Variants in TRIM2 observed in about 807,000 individuals in gnomAD.
The protein encoded by TRIM2 is tripartite motif containing 2.
Under a neutral mutation model 75.2 loss-of-function variants are expected in TRIM2, and 20 were observed. The ratio of observed to expected loss-of-function variants is 0.27; its 90% confidence interval spans 0.19 to 0.39. TRIM2 has a LOEUF of 0.39. Among genes scored for constraint, TRIM2 ranks in the 10% least tolerant of loss-of-function variants. The pLI is 1.00. For missense variants in TRIM2, 660 were observed against 990.8 expected, an observed-to-expected ratio of 0.67 and a Z score of 4.48; for synonymous variants, 373 against 388.3, an observed-to-expected ratio of 0.96 and a Z score of 0.46.
chr4:153,282,527 T>C (rs1220020964), intron 3 of TRIM2, among the ~76,000 whole-genome samples: 3 of 152,218 alleles, frequency 2.0e-5, no homozygotes, highest in African/African-American at 7.2e-5. Flanking sequence ...ACCCTTTCTC[T>C]ACAAAAGTAA....
At chr4:153,153,919 T>A (rs10428495) in intron 1 of TRIM2, among the ~76,000 whole-genome samples, 3,812 of 152,322 alleles carry the variant, frequency 0.025, 158 homozygotes, top group African/African-American at 0.088. Flanking sequence ...AGGGCAGACA[T>A]GAAGTGAAAA....
At position 153,325,810 on chromosome 4, in the gene TRIM2, T is replaced by A. The variant is rs1392830169; in HGVS notation, c.2022+1662T>A. On this transcript the variant is annotated intron_variant, in intron 10 of 11. Coordinates refer to ENST00000338700, the MANE Select transcript of TRIM2 (RefSeq NM_015271.5). Reference sequence around the variant, plus strand: ...AACTGTGATCTCAGAGCCTTTCCTGTCCAGTGCTCCAGGCAACCTCTAAGA... The same window carrying A: ...AACTGTGATCTCAGAGCCTTTCCTGACCAGTGCTCCAGGCAACCTCTAAGA... Among the ~76,000 whole-genome samples, 4 of 152,340 alleles carry A rather than the reference T, an allele frequency of 2.6e-5. No individual in the cohort carries two copies. The East Asian group carries it at 7.7e-4, about 29-fold the overall frequency.
intron 1 of TRIM2, among the ~76,000 whole-genome samples, chr4:153,258,939 C>T (rs1439005333): frequency 6.6e-6 from 1 of 152,182 alleles, no homozygotes; most frequent in Non-Finnish European, 1.5e-5. Flanking sequence ...CCCTCCCAAG[C>T]AGCACACAAT....
chr4:153,291,655 G>A (rs1378103039), intron 3 of TRIM2, among the ~76,000 whole-genome samples: 1 of 152,118 alleles, frequency 6.6e-6, no homozygotes, highest in Non-Finnish European at 1.5e-5. Context: ...CCTCTGCAAG[G>A]AAGCTAATTT....
intron 1 of TRIM2, among the ~76,000 whole-genome samples, chr4:153,176,088 G>A (rs1462670913): frequency 3.3e-5 from 5 of 151,840 alleles, no homozygotes; most frequent in Non-Finnish European, 5.9e-5. Flanking sequence ...GAGTAAAGGG[G>A]CACGATATAT....
At chr4:153,229,250 T>A (rs1460423534) in intron 1 of TRIM2, among the ~76,000 whole-genome samples, 1 of 152,218 alleles carries the variant, frequency 6.6e-6, no homozygotes, top group Non-Finnish European at 1.5e-5. Flanking sequence ...TCTGAATTTT[T>A]TTGTTTCGTT....
rs1210940761 is a variant in TRIM2, at chr4:153,248,297, A to T, written c.31-22038A>T. On this transcript the variant is annotated intron_variant, in intron 1 of 11. Coordinates refer to ENST00000338700, the MANE Select transcript of TRIM2 (RefSeq NM_015271.5). The surrounding 1 kb of genome is among the most constrained non-coding windows in gnomAD (Gnocchi z 4.0). ...AGGCGTGAGCCACCGCACCCGGCCT[A>T]GATCAGGTTCTTTACATAGACTAAA... Among the ~76,000 whole-genome samples, 1 of 152,214 alleles carries T rather than the reference A, an allele frequency of 6.6e-6. No individual in the cohort carries two copies. The highest frequency in any genetic ancestry group is 1.5e-5 in the Non-Finnish European group (1 of 68,034).
chr4:153,224,740 A>C (rs1248112394), intron 1 of TRIM2, among the ~76,000 whole-genome samples: 1 of 152,210 alleles, frequency 6.6e-6, no homozygotes, highest in Non-Finnish European at 1.5e-5. Context: ...TCACATCTTG[A>C]ATATTTTTCT....
intron 1 of TRIM2, among the ~76,000 whole-genome samples, chr4:153,247,677 C>CAA (rs1183914263): frequency 0.027 from 2,149 of 79,314 alleles, 136 homozygotes; most frequent in African/African-American, 0.085. Context: ...GACTCTGTCT[C>CAA]AAAAAAAAAA....
rs1487923056 is a variant in TRIM2 at position 153,335,578 on chromosome 4, C to A, written c.*612C>A. The A allele has an allele frequency of 1.0e-6, 1 of 985,312 alleles. No homozygotes were observed. Among genetic ancestry groups the A allele is most frequent in the Non-Finnish European group, 1.2e-6 (1 of 829,930 alleles). The allele number at this position is 985,312 out of a possible 1,614,324, so 61.0% of individuals were successfully genotyped here. A position where few individuals can be genotyped will look rare whatever the true frequency, so the allele number is the denominator to read the frequency against. ...TTAAGTATCAGTGCAAATTTCTCAA[C>A]CTTTCTGGGTTAGACAAAGATCCTT... On this transcript the variant is annotated 3_prime_UTR_variant, in exon 12 of 12. Transcript: ENST00000338700.
chr4:153,337,114 T>C lies in TRIM2; in HGVS notation c.*2148T>C. Reference sequence around the variant, plus strand: ...TTCATTTTGCCACGTACTAACGTTCTGCACAAAAGACAGGCTAGACTCTTG... The same window carrying C: ...TTCATTTTGCCACGTACTAACGTTCCGCACAAAAGACAGGCTAGACTCTTG... On this transcript the variant is annotated 3_prime_UTR_variant, in exon 12 of 12. Transcript: ENST00000338700. The C allele has an allele frequency of 1.0e-6, 1 of 985,452 alleles. No individual in the cohort carries two copies. The highest frequency in any genetic ancestry group is 1.2e-6 in the Non-Finnish European group (1 of 829,934). The allele number at this position is 985,452 out of a possible 1,614,324, so 61.0% of individuals were successfully genotyped here.
intron 8 of TRIM2, 41 bp from the exon 9 acceptor site, chr4:153,322,607 A>G: frequency 6.3e-7 from 1 of 1,598,348 alleles, no homozygotes; most frequent in South Asian, 1.1e-5. Flanking sequence ...TTAAACTTTG[A>G]CTCTATACTG....
At chr4:153,260,938 T>G (rs895779160) in intron 1 of TRIM2, among the ~76,000 whole-genome samples, 3 of 152,140 alleles carry the variant, frequency 2.0e-5, no homozygotes, top group African/African-American at 7.2e-5. Flanking sequence ...TATAATAGGC[T>G]GAAATTTTAA....
At chr4:153,224,846 A>G (rs1333919026) in intron 1 of TRIM2, among the ~76,000 whole-genome samples, 1 of 152,258 alleles carries the variant, frequency 6.6e-6, no homozygotes, top group Non-Finnish European at 1.5e-5. Context: ...CACTAAATAT[A>G]AATGGGTTAG....
intron 2 of TRIM2, among the ~76,000 whole-genome samples, chr4:153,274,885 G>A (rs1011721853): frequency 1.3e-5 from 2 of 152,196 alleles, no homozygotes; most frequent in African/African-American, 4.8e-5. Flanking sequence ...TTTCATGTCT[G>A]GTATTGGTTC....
At chr4:153,175,808 A>T (rs1217947354) in intron 1 of TRIM2, among the ~76,000 whole-genome samples, 1 of 152,214 alleles carries the variant, frequency 6.6e-6, no homozygotes, top group African/African-American at 2.4e-5. Flanking sequence ...ATTAGGTAAC[A>T]GTGCTGTATT....
intron 1 of TRIM2, among the ~76,000 whole-genome samples, chr4:153,249,241 T>C (rs1169684312): frequency 6.6e-6 from 1 of 152,346 alleles, no homozygotes; most frequent in South Asian, 2.1e-4. Flanking sequence ...GCAATCGCCA[T>C]CTGGGTGGAG....
At chr4:153,263,969 G>A (rs568754254) in intron 1 of TRIM2, among the ~76,000 whole-genome samples, 5 of 152,282 alleles carry the variant, frequency 3.3e-5, no homozygotes, top group African/African-American at 1.2e-4. Flanking sequence ...TTGGGGGTTA[G>A]GGCTTCAACA....
At chr4:153,219,619 A>G (rs1457574028) in intron 1 of TRIM2, among the ~76,000 whole-genome samples, 1 of 152,172 alleles carries the variant, frequency 6.6e-6, no homozygotes, top group East Asian at 1.9e-4. Flanking sequence ...CTGTAACTCA[A>G]CACTTTAGGA....
Sources: gnomAD v4.1 joint callset for allele counts (sites outside exome capture counted in the v4.1 genomes callset) on GRCh38, gnomAD v4.1.1 for gene constraint, Gnocchi (gnomAD v3.1) non-coding constraint, MANE v1.5 for transcripts, NCBI Gene and HGNC (gene_info 2026-07-23, HGNC 2026-07-21) for gene names.